Variants in CSMD3 observed in about 807,000 individuals in gnomAD.
CSMD3 encodes CUB and sushi domain-containing protein 3.
CSMD3 carries 177 observed loss-of-function variants against 435.2 expected under a neutral mutation model. That is an observed-to-expected ratio of 0.41 (90% CI 0.36 to 0.46). The LOEUF (loss-of-function observed/expected upper bound fraction) is 0.46. Ranked by LOEUF, CSMD3 falls within the 20% of genes least tolerant of loss-of-function variation. CSMD3 has a pLI of 0.34. For synonymous variants in CSMD3, 1,656 were observed against 1,520.5 expected, an observed-to-expected ratio of 1.09 and a Z score of -2.07; for missense variants, 4,265 against 4,504.6, an observed-to-expected ratio of 0.95 and a Z score of 1.52.
intron 59 of CSMD3, among the ~76,000 whole-genome samples, chr8:112,279,687 T>TA (rs994908496): frequency 9.2e-5 from 14 of 152,090 alleles, no homozygotes; most frequent in African/African-American, 3.4e-4. Context: ...TTAAACCTGA[T>TA]AAAAAATAAT....
At chr8:113,307,008 A>G (rs1437698286) in intron 2 of CSMD3, among the ~76,000 whole-genome samples, 1 of 152,124 alleles carries the variant, frequency 6.6e-6, no homozygotes, top group Non-Finnish European at 1.5e-5. Flanking sequence ...TAAAGAATTG[A>G]TATTTAATAA....
chr8:112,871,937 T>C (rs79578585), intron 10 of CSMD3, among the ~76,000 whole-genome samples: 1,968 of 152,224 alleles, frequency 0.013, 53 homozygotes, highest in African/African-American at 0.044. Context: ...TTTTCATGTG[T>C]CAGAATTCAT....
intron 22 of CSMD3, among the ~76,000 whole-genome samples, chr8:112,625,681 T>A (rs765034434): frequency 9.9e-5 from 15 of 152,016 alleles, no homozygotes; most frequent in Non-Finnish European, 2.2e-4. Flanking sequence ...ATTCAAAGAG[T>A]GCTACAAAGA....
At chr8:112,466,125 T>C (rs1295535585) in intron 32 of CSMD3, among the ~76,000 whole-genome samples, 22 of 152,166 alleles carry the variant, frequency 1.4e-4, no homozygotes, top group Admixed American at 1.4e-3. Flanking sequence ...GAGTAATAAT[T>C]GGTTTTAATG....
At chr8:112,365,095 TTTAAAC>T (rs1827637017) in intron 38 of CSMD3, among the ~76,000 whole-genome samples, 1 of 151,970 alleles carries the variant, frequency 6.6e-6, no homozygotes, top group Non-Finnish European at 1.5e-5. Context: ...CTAAATAATG[TTTAAAC>T]TTCTCTCTAA....
chr8:112,713,524 T>G (rs1309231161), intron 13 of CSMD3, among the ~76,000 whole-genome samples: 3 of 151,684 alleles, frequency 2.0e-5, no homozygotes, highest in African/African-American at 7.3e-5. Flanking sequence ...CCAGGAGAAC[T>G]TCCCCATCCT....
At chr8:113,196,113 G>T (rs1293415985) in intron 3 of CSMD3, among the ~76,000 whole-genome samples, 1 of 150,812 alleles carries the variant, frequency 6.6e-6, no homozygotes, top group African/African-American at 2.4e-5. Flanking sequence ...TCTCTTGCAT[G>T]ATAGCTTCTT....
At chr8:112,546,787 TGC>T (rs1287458292) in intron 27 of CSMD3, among the ~76,000 whole-genome samples, 13 of 152,132 alleles carry the variant, frequency 8.5e-5, no homozygotes, top group Non-Finnish European at 1.8e-4. Context: ...TAAGCAAAAG[TGC>T]CTTGCAGACA....
intron 13 of CSMD3, among the ~76,000 whole-genome samples, chr8:112,755,192 G>A (rs1160324460): frequency 2.6e-5 from 4 of 151,946 alleles, no homozygotes; most frequent in Non-Finnish European, 5.9e-5. Context: ...TTAGCCGGGC[G>A]TGGTGGCGGG....
chr8:112,966,332 G>A (rs1188592563), intron 7 of CSMD3, among the ~76,000 whole-genome samples: 1 of 151,122 alleles, frequency 6.6e-6, no homozygotes, highest in Non-Finnish European at 1.5e-5. Context: ...TAAAGACCTG[G>A]GAATTCAAGC....
intron 1 of CSMD3, among the ~76,000 whole-genome samples, chr8:113,426,716 G>A (rs2094637722): frequency 6.6e-6 from 1 of 151,360 alleles, no homozygotes; most frequent in Admixed American, 6.6e-5. Context: ...GTGAATTTGT[G>A]ATTTTAAATC....
rs1824590322 is a variant in CSMD3, at chr8:112,336,642, C to T, written c.7019+10G>A. ...AATTGAATAAATCAATAACAATAGT[C>T]CTGACTTACCATACAGTAATGAAAT... is the stretch of plus-strand genomic sequence containing the variant. On this transcript the variant is annotated intron_variant, in intron 44 of 70. Transcript: ENST00000297405. 6.3e-7 allele frequency: 1 copy of T among 1,583,704 alleles called. No individual in the cohort carries two copies. The highest frequency in any genetic ancestry group is 1.3e-5 in the African/African-American group (1 of 74,210).
chr8:112,880,101 A>G (rs2081405663), intron 10 of CSMD3, among the ~76,000 whole-genome samples: 1 of 152,112 alleles, frequency 6.6e-6, no homozygotes, highest in South Asian at 2.1e-4. Context: ...ATATAATTTT[A>G]AAAAGGCTTA....
chr8:112,580,325 C>T, intron 23 of CSMD3, among the ~76,000 whole-genome samples: 1 of 151,644 alleles, frequency 6.6e-6, no homozygotes, highest in African/African-American at 2.4e-5. Context: ...ACAATCAGAC[C>T]CCAAACAAAC....
In CSMD3 at chr8:112,384,498, G is replaced by A. The variant is rs1829764013; in HGVS notation, c.5935-835C>T. Reference sequence around the variant, plus strand: ...CACAACTACGGATGCTACCTATTTTGCTATTTCTTTATTAAATTTTTTGTG... The same window carrying A: ...CACAACTACGGATGCTACCTATTTTACTATTTCTTTATTAAATTTTTTGTG... On this transcript the variant is annotated intron_variant, in intron 36 of 70. Coordinates refer to ENST00000297405, the MANE Select transcript of CSMD3 (RefSeq NM_198123.2). 1.3e-5 allele frequency among the ~76,000 whole-genome samples: 2 copies of A among 152,038 alleles called. 1 individual carries two copies. The highest frequency in any genetic ancestry group is 4.1e-4 in the South Asian group (2 of 4,820).
intron 68 of CSMD3, among the ~76,000 whole-genome samples, chr8:112,234,152 C>CCACA (rs149376663): frequency 9.1e-4 from 135 of 149,120 alleles, no homozygotes; most frequent in African/African-American, 3.1e-3. Flanking sequence ...CACCCCACCA[C>CCACA]CACACACACA....
intron 59 of CSMD3, among the ~76,000 whole-genome samples, chr8:112,268,565 A>T (rs1453778580): frequency 6.6e-6 from 1 of 152,206 alleles, no homozygotes; most frequent in Non-Finnish European, 1.5e-5. Flanking sequence ...GCATGTAACT[A>T]TTAATATACA....
chr8:113,179,936 A>C (rs2092400864), intron 3 of CSMD3, among the ~76,000 whole-genome samples: 1 of 151,922 alleles, frequency 6.6e-6, no homozygotes, highest in African/African-American at 2.4e-5. Context: ...TGTTTTACAA[A>C]TTATCAGGAA....
chr8:113,146,499 A>G lies in CSMD3; in HGVS notation c.709+27223T>C, dbSNP rs192372613. 7.4e-4 allele frequency among the ~76,000 whole-genome samples: 112 copies of G among 151,772 alleles called. 1 individual carries two copies. The highest frequency in any genetic ancestry group is 2.6e-3 in the African/African-American group (106 of 41,494). ...AAAGCCTAACTGGAATATATGAACA[A>G]TGAAAAATTTAATATCAGGATTGGG... On this transcript the variant is annotated intron_variant, in intron 4 of 70. Transcript: ENST00000297405.
Sources: allele counts gnomAD v4.1 joint callset (sites outside exome capture counted in the v4.1 genomes callset), GRCh38; gene constraint gnomAD v4.1.1; transcripts MANE v1.5; gene names NCBI Gene and HGNC (gene_info 2026-07-23, HGNC 2026-07-21).